Variants in NOL4 observed in about 807,000 individuals in gnomAD.
The protein encoded by NOL4 is nucleolar protein 4.
A neutral mutation model predicts 75.9 loss-of-function variants in NOL4; 17 were observed. That is an observed-to-expected ratio of 0.22 (90% CI 0.15 to 0.34). NOL4 has a LOEUF of 0.34. NOL4 is among the 10% of genes least tolerant of loss of function. NOL4 has a pLI of 1.00. For synonymous variants in NOL4, 292 were observed against 289.9 expected, an observed-to-expected ratio of 1.01 and a Z score of -0.07; for missense variants, 614 against 793.5, an observed-to-expected ratio of 0.77 and a Z score of 2.72.
At chr18:34,133,040 A>AG (rs200547646) in intron 1 of NOL4, among the ~76,000 whole-genome samples, 1,710 of 152,174 alleles carry the variant, frequency 0.011, 20 homozygotes, top group African/African-American at 0.026. Flanking sequence ...GAGGAGGCAG[A>AG]GGGGGGTGGA....
At chr18:34,048,558 T>C in intron 5 of NOL4, 1 of 985,434 alleles carries the variant, frequency 1.0e-6, no homozygotes, top group Non-Finnish European at 1.2e-6. Flanking sequence ...CAGGGATTAG[T>C]CTGACTTCCC....
intron 1 of NOL4, among the ~76,000 whole-genome samples, chr18:34,178,646 AAGAATAT>A (rs1298551718): frequency 6.6e-6 from 1 of 151,742 alleles, no homozygotes; most frequent in African/African-American, 2.4e-5. Flanking sequence ...TCAAGCCATC[AAGAATAT>A]ATGACAATTT....
At chr18:33,891,634 A>C (rs2065101478) in intron 9 of NOL4, among the ~76,000 whole-genome samples, 1 of 152,294 alleles carries the variant, frequency 6.6e-6, no homozygotes, top group East Asian at 1.9e-4. Flanking sequence ...ACTTCTTCGT[A>C]TTTGGAAAAT....
At chr18:33,970,070 A>G (rs1338235165) in intron 6 of NOL4, among the ~76,000 whole-genome samples, 1 of 152,164 alleles carries the variant, frequency 6.6e-6, no homozygotes, top group Non-Finnish European at 1.5e-5. Flanking sequence ...AAGAATTTTG[A>G]TTTCTAGCGA....
At chr18:33,883,460 T>C in intron 9 of NOL4, 36 bp from the exon 10 acceptor site, 1 of 1,541,636 alleles carries the variant, frequency 6.5e-7, no homozygotes, top group Non-Finnish European at 8.7e-7. Context: ...ATTTATCACC[T>C]CACAGTGCTA....
chr18:34,048,545 A>G (rs988418297), intron 5 of NOL4: 46 of 985,296 alleles, frequency 4.7e-5, no homozygotes, highest in Non-Finnish European at 5.5e-5. Flanking sequence ...CTCGAAGTGC[A>G]CCCAGGGATT....
At chr18:34,118,326 G>T (rs2079959595) in intron 2 of NOL4, among the ~76,000 whole-genome samples, 1 of 152,074 alleles carries the variant, frequency 6.6e-6, no homozygotes, top group Non-Finnish European at 1.5e-5. Flanking sequence ...GAATAAATTA[G>T]AAATAATCTC....
chr18:33,988,264 A>C (rs996470426), intron 6 of NOL4, among the ~76,000 whole-genome samples: 2 of 151,862 alleles, frequency 1.3e-5, no homozygotes, highest in African/African-American at 4.8e-5. Flanking sequence ...TTATTCCTCC[A>C]CTCTTCCCCA....
intron 1 of NOL4, among the ~76,000 whole-genome samples, chr18:34,195,240 T>A (rs978791120): frequency 2.0e-5 from 3 of 152,130 alleles, no homozygotes; most frequent in Non-Finnish European, 4.4e-5. Context: ...ACAAATAAAA[T>A]TTTAAAAGAT....
chr18:34,091,546 C>T (rs1337797373), intron 5 of NOL4, among the ~76,000 whole-genome samples: 1 of 152,072 alleles, frequency 6.6e-6, no homozygotes, highest in Non-Finnish European at 1.5e-5. Flanking sequence ...AGATCTTGGA[C>T]TCCCAGATCT....
At chr18:33,912,217 G>A (rs1440373646) in intron 9 of NOL4, among the ~76,000 whole-genome samples, 1 of 151,910 alleles carries the variant, frequency 6.6e-6, no homozygotes, top group African/African-American at 2.4e-5. Flanking sequence ...ATCCTTTCCT[G>A]AGTCCTTCCT....
chr18:34,164,915 A>C (rs1170000948), intron 1 of NOL4, among the ~76,000 whole-genome samples: 3 of 152,156 alleles, frequency 2.0e-5, no homozygotes, highest in Non-Finnish European at 4.4e-5. Flanking sequence ...GCAGCCATAA[A>C]AAATGATGAG....
At chr18:34,046,607 CATATATATATATATATAT>C (rs35281852) in intron 5 of NOL4, among the ~76,000 whole-genome samples, 4 of 81,658 alleles carry the variant, frequency 4.9e-5, no homozygotes, top group African/African-American at 9.4e-5. Flanking sequence ...TTTACTTATA[CATATATATATATATATAT>C]ATATATATAT....
intron 1 of NOL4, among the ~76,000 whole-genome samples, chr18:34,190,780 A>G (rs1025029775): frequency 6.6e-6 from 1 of 151,780 alleles, no homozygotes; most frequent in African/African-American, 2.4e-5. Context: ...TTTTATTACA[A>G]TTGTATATTT....
chr18:34,019,283 A>G, intron 6 of NOL4, 35 bp downstream of exon 6: 1 of 1,592,036 alleles, frequency 6.3e-7, no homozygotes, highest in Non-Finnish European at 8.6e-7. Flanking sequence ...TTCATGACCA[A>G]CTCAAAAATT....
Position 34,130,507 on chromosome 18 carries a change from A to T in NOL4, c.265-487T>A, listed in dbSNP as rs548014600. On this transcript the variant is annotated intron_variant, in intron 1 of 10. Coordinates refer to ENST00000261592, the MANE Select transcript of NOL4 (RefSeq NM_003787.5). ...ACCTAGGAAAGAAAACACATTTATT[A>T]TTCTATCAGTATTGGTCTAAAGAAC... 7.0e-4 allele frequency among the ~76,000 whole-genome samples: 107 copies of T among 152,182 alleles called. 5 individuals carry two copies. The South Asian group carries it at 0.021, about 30-fold the overall frequency.
chr18:34,010,242 G>A (rs1366569967), intron 6 of NOL4, among the ~76,000 whole-genome samples: 7 of 151,786 alleles, frequency 4.6e-5, no homozygotes, highest in Non-Finnish European at 8.8e-5. Flanking sequence ...CCACGTATGA[G>A]TAAACACAGG....
intron 4 of NOL4, among the ~76,000 whole-genome samples, chr18:34,096,346 G>A (rs892130047): frequency 2.0e-5 from 3 of 151,884 alleles, no homozygotes; most frequent in Non-Finnish European, 4.4e-5. Context: ...TTATACTTTT[G>A]TTAAGAGCTT....
chr18:34,190,201 G>A (rs1263773611), intron 1 of NOL4, among the ~76,000 whole-genome samples: 1 of 151,738 alleles, frequency 6.6e-6, no homozygotes, highest in East Asian at 1.9e-4. Context: ...TGGAATTATG[G>A]TCTATATAAA....
Sources: gnomAD v4.1 joint callset for allele counts (sites outside exome capture counted in the v4.1 genomes callset) on GRCh38, gnomAD v4.1.1 for gene constraint, MANE v1.5 for transcripts, NCBI Gene and HGNC (gene_info 2026-07-23, HGNC 2026-07-21) for gene names.